The following HYDIN variants were observed in gnomAD, a reference collection of about 807,000 sequenced individuals.
The protein encoded by HYDIN is HYDIN axonemal central pair apparatus protein.
A neutral mutation model predicts 403.9 loss-of-function variants in HYDIN; 132 were observed. That is an observed-to-expected ratio of 0.33 (90% CI 0.28 to 0.38). HYDIN has a LOEUF of 0.38. Ranked by LOEUF, HYDIN falls within the 10% of genes least tolerant of loss-of-function variation. The pLI is 1.00. For synonymous variants in HYDIN, 1,202 were observed against 1,891.7 expected, an observed-to-expected ratio of 0.64 and a Z score of 9.46; for missense variants, 2,827 against 5,009.5, an observed-to-expected ratio of 0.56 and a Z score of 13.15.
intron 1 of HYDIN, among the ~76,000 whole-genome samples, chr16:71,205,043 T>A (rs939591293): frequency 6.6e-6 from 1 of 152,184 alleles, no homozygotes; most frequent in East Asian, 1.9e-4. Context: ...TAGAACACCA[T>A]AGTCACTTTT....
chr16:70,906,337 A>G (rs574864492), intron 50 of HYDIN, among the ~76,000 whole-genome samples: 22 of 151,786 alleles, frequency 1.4e-4, no homozygotes, highest in Admixed American at 2.6e-4. Flanking sequence ...CTTGCAATGG[A>G]TGACCACACA....
At chr16:71,167,777 T>C (rs2086291476) in intron 5 of HYDIN, among the ~76,000 whole-genome samples, 2 of 152,026 alleles carry the variant, frequency 1.3e-5, no homozygotes, top group Admixed American at 6.6e-5. Flanking sequence ...TATATTGCTC[T>C]GCTGGCTTAC....
At chr16:70,916,114 T>C (rs1169239965) in intron 47 of HYDIN, among the ~76,000 whole-genome samples, 1 of 152,182 alleles carries the variant, frequency 6.6e-6, no homozygotes, top group Non-Finnish European at 1.5e-5. Flanking sequence ...CCCCTGCCTG[T>C]GGAGTCTGCA....
chr16:71,230,692 C>A lies in HYDIN; in HGVS notation c.-154G>T, dbSNP rs1185935845. The stretch of plus-strand genomic sequence containing the variant: ...GAAGCCGCCCGCACTCTCCATGCGC[C>A]GCCCGAGCTGTTGCCGTCCGTTGCC... On this transcript the variant is annotated 5_prime_UTR_variant, in exon 1 of 86. Transcript: ENST00000393567. The A allele has an allele frequency of 2.0e-6, 3 of 1,536,082 alleles. No individual in the cohort carries two copies. Among genetic ancestry groups the A allele is most frequent in the Non-Finnish European group, 2.6e-6 (3 of 1,146,888 alleles).
chr16:71,081,172 T>C (rs915535930), intron 12 of HYDIN, among the ~76,000 whole-genome samples: 18 of 152,184 alleles, frequency 1.2e-4, no homozygotes, highest in African/African-American at 4.1e-4. Flanking sequence ...CTTGTTTACC[T>C]TCAGAGCAAT....
chr16:70,945,918 C>T (rs530005205), intron 41 of HYDIN, among the ~76,000 whole-genome samples: 1 of 152,086 alleles, frequency 6.6e-6, no homozygotes, highest in South Asian at 2.1e-4. Flanking sequence ...GACGAGGAGG[C>T]AGGCAATGCG....
At chr16:71,151,988 T>A (rs1437043262) in intron 7 of HYDIN, among the ~76,000 whole-genome samples, 3 of 152,132 alleles carry the variant, frequency 2.0e-5, no homozygotes, top group African/African-American at 7.2e-5. Flanking sequence ...TGGGCACATA[T>A]AAGAACATTC....
rs1369283157 is a variant in HYDIN, at chr16:70,913,240, T to A, written c.8005-4379A>T. ...GGTGTGACCTTAGATTGGCAGTTAG[T>A]GCTCTTTCAGTCTTTTTGATGTGGG... On this transcript the variant is annotated intron_variant, in intron 47 of 85. Coordinates refer to ENST00000393567, the MANE Select transcript of HYDIN (RefSeq NM_001270974.2). Among the ~76,000 whole-genome samples the A allele has an allele frequency of 2.0e-5, 3 of 152,094 alleles. No individual in the cohort carries two copies. In the East Asian group the frequency reaches 5.8e-4, roughly 29 times the overall value.
At chr16:71,190,902 A>C (rs1329987158) in intron 1 of HYDIN, among the ~76,000 whole-genome samples, 1 of 152,122 alleles carries the variant, frequency 6.6e-6, no homozygotes, top group African/African-American at 2.4e-5. Flanking sequence ...AATTAATCTA[A>C]ATCCAGGATG....
At chr16:71,174,954 C>A (rs1362530830) in intron 5 of HYDIN, among the ~76,000 whole-genome samples, 2 of 152,138 alleles carry the variant, frequency 1.3e-5, no homozygotes, top group African/African-American at 4.8e-5. Context: ...AAAGTCATAA[C>A]CAATTAAGGC....
At chr16:71,181,956 T>A (rs561857445) in intron 3 of HYDIN, among the ~76,000 whole-genome samples, 1 of 152,308 alleles carries the variant, frequency 6.6e-6, no homozygotes. Context: ...GTGGCTGCTC[T>A]TTTAGATAGG....
chr16:71,189,024 T>C (rs2087290249), intron 1 of HYDIN, among the ~76,000 whole-genome samples: 1 of 152,164 alleles, frequency 6.6e-6, no homozygotes, highest in South Asian at 2.1e-4. Context: ...GACAACAAAG[T>C]AAAAATTCAT....
chr16:71,198,964 T>A (rs1435701576), intron 1 of HYDIN, among the ~76,000 whole-genome samples: 2 of 152,238 alleles, frequency 1.3e-5, no homozygotes, highest in Non-Finnish European at 1.5e-5. Context: ...ATATGAGAGA[T>A]CTGGTTGCCA....
At chr16:71,046,738 A>C (rs1257634878) in intron 18 of HYDIN, among the ~76,000 whole-genome samples, 2 of 152,248 alleles carry the variant, frequency 1.3e-5, no homozygotes, top group Non-Finnish European at 2.9e-5. Flanking sequence ...AATATCATTA[A>C]TAAATCTCTA....
chr16:71,212,534 GC>G, intron 1 of HYDIN, among the ~76,000 whole-genome samples: 1 of 152,190 alleles, frequency 6.6e-6, no homozygotes, highest in East Asian at 1.9e-4. Flanking sequence ...ATAACATCCA[GC>G]AATAAAAGAT....
At chr16:71,139,095 G>GAAAAAAAAAAAAAAAA (rs71758936) in intron 7 of HYDIN, among the ~76,000 whole-genome samples, 2 of 103,812 alleles carry the variant, frequency 1.9e-5, no homozygotes, top group African/African-American at 4.7e-5. Flanking sequence ...AAATAAAGAA[G>GAAAAAAAAAAAAAAAA]AAAAAAAAAA....
At position 70,829,532 on chromosome 16, in the gene HYDIN, C is replaced by A. The variant is rs565215147; in HGVS notation, c.14112+86G>T. 9.7e-3 allele frequency: 9,404 copies of A among 973,890 alleles called. 225 individuals carry two copies. The African/African-American group carries it at 0.12, about 13-fold the overall frequency. The allele number at this position is 973,890 out of a possible 1,614,324, so 60.3% of individuals were successfully genotyped here. A position where few individuals can be genotyped will look rare whatever the true frequency, so the allele number is the denominator to read the frequency against. On this transcript the variant is annotated intron_variant, in intron 81 of 85. Transcript: ENST00000393567. ...TACAGGCATGAGCCACCACGCCCAG[C>A]CCCAAAGTGTCTTTTAACCTCATTC...
At chr16:70,834,943 CATATATGT>C (rs1193496570) in intron 78 of HYDIN, among the ~76,000 whole-genome samples, 1 of 144,222 alleles carries the variant, frequency 6.9e-6, no homozygotes, top group African/African-American at 2.6e-5. Flanking sequence ...TATATACACA[CATATATGT>C]ATATATATAC....
intron 18 of HYDIN, among the ~76,000 whole-genome samples, chr16:71,042,582 T>C (rs1160364796): frequency 5.3e-5 from 8 of 152,158 alleles, no homozygotes; most frequent in Non-Finnish European, 8.8e-5. Flanking sequence ...TAAACTCAGC[T>C]GAGCTATAAA....
Sources: allele counts gnomAD v4.1 joint callset (sites outside exome capture counted in the v4.1 genomes callset), GRCh38; gene constraint gnomAD v4.1.1; transcripts MANE v1.5; gene names NCBI Gene and HGNC (gene_info 2026-07-23, HGNC 2026-07-21).